The following SHOC2 variants were observed in gnomAD, a reference collection of about 807,000 sequenced individuals.
SHOC2 encodes leucine-rich repeat protein SHOC-2.
Under a neutral mutation model 50.2 loss-of-function variants are expected in SHOC2, and 4 were observed. The observed-to-expected ratio is 0.08, with a 90% confidence interval of 0.04 to 0.18. The LOEUF (loss-of-function observed/expected upper bound fraction) is 0.18. Among genes scored for constraint, SHOC2 ranks in the 10% least tolerant of loss-of-function variants. SHOC2 has a pLI of 1.00. For missense variants in SHOC2, 388 were observed against 669.6 expected, an observed-to-expected ratio of 0.58 and a Z score of 4.64; for synonymous variants, 218 against 244.5, an observed-to-expected ratio of 0.89 and a Z score of 1.01.
Position 110,987,121 on chromosome 10 carries a change from A to G in SHOC2, c.841+1356A>G, listed in dbSNP as rs189759305. 5.9e-3 allele frequency among the ~76,000 whole-genome samples: 903 copies of G among 152,294 alleles called. 14 individuals carry two copies. The highest frequency in any genetic ancestry group is 0.034 in the Middle Eastern group (10 of 294). ...ACTTAGCCTTTTAGCTGCATCTTCC[A>G]GTTAGGGCTGTGTTCTTAGGACAGA... is the stretch of plus-strand genomic sequence containing the variant. On this transcript the variant is annotated intron_variant, in intron 3 of 8. Coordinates refer to ENST00000369452, the MANE Select transcript of SHOC2 (RefSeq NM_007373.4).
chr10:110,963,195 C>G (rs182111402), intron 1 of SHOC2, among the ~76,000 whole-genome samples: 1 of 152,120 alleles, frequency 6.6e-6, no homozygotes, highest in Non-Finnish European at 1.5e-5. Flanking sequence ...TTTTAAATTT[C>G]AAAATGTTTA....
intron 3 of SHOC2, 45 bp downstream of exon 3, chr10:110,985,810 T>C: frequency 2.0e-6 from 3 of 1,501,936 alleles, no homozygotes; most frequent in Non-Finnish European, 1.9e-6. Context: ...AATAGCTAAC[T>C]GGATATTAAT....
intron 3 of SHOC2, among the ~76,000 whole-genome samples, chr10:110,999,902 AC>A (rs1590830821): frequency 6.6e-6 from 1 of 151,926 alleles, no homozygotes; most frequent in East Asian, 1.9e-4. Context: ...GAAATTTTTT[AC>A]CATCAGGCCA....
chr10:110,969,891 A>G (rs1847746661), intron 2 of SHOC2, among the ~76,000 whole-genome samples: 1 of 151,954 alleles, frequency 6.6e-6, no homozygotes, highest in South Asian at 2.1e-4. Context: ...ATTCATATGT[A>G]TGAGAAATAA....
At chr10:110,992,642 T>C (rs538471356) in intron 3 of SHOC2, among the ~76,000 whole-genome samples, 1 of 152,340 alleles carries the variant, frequency 6.6e-6, no homozygotes, top group South Asian at 2.1e-4. Context: ...CACTGGGCTC[T>C]GAAGAAATGT....
At chr10:111,004,049 T>C (rs1039253697) in intron 4 of SHOC2, among the ~76,000 whole-genome samples, 3 of 152,194 alleles carry the variant, frequency 2.0e-5, no homozygotes, top group Admixed American at 1.3e-4. Context: ...TCAGAAATTT[T>C]ACCATATAGA....
Position 110,964,110 on chromosome 10 carries a change from T to C in SHOC2, c.-234-15T>C. 1.8e-6 allele frequency: 1 copy of C among 550,646 alleles called. No homozygotes were observed. The highest frequency in any genetic ancestry group is 3.2e-6 in the Non-Finnish European group (1 of 317,146). The allele number at this position is 550,646 out of a possible 1,614,324, so 34.1% of individuals were successfully genotyped here. On this transcript the variant is annotated splice_polypyrimidine_tract_variant and intron_variant, in intron 1 of 8. Coordinates refer to ENST00000369452, the MANE Select transcript of SHOC2 (RefSeq NM_007373.4). The surrounding 1 kb of genome is among the most constrained non-coding windows in gnomAD (Gnocchi z 4.9). Reference sequence around the variant, plus strand: ...TTATCTAAAGTAATTTAATACTGTCTATATTATATTTCAGGAACTCTAATG... The same window carrying C: ...TTATCTAAAGTAATTTAATACTGTCCATATTATATTTCAGGAACTCTAATG...
intron 1 of SHOC2, among the ~76,000 whole-genome samples, chr10:110,956,867 C>G (rs928726815): frequency 1.3e-5 from 2 of 151,528 alleles, no homozygotes; most frequent in Non-Finnish European, 2.9e-5. Flanking sequence ...AATATATTGC[C>G]AGTGAAATAT....
intron 8 of SHOC2, among the ~76,000 whole-genome samples, chr10:111,010,959 CAT>C (rs907991800): frequency 6.6e-6 from 1 of 152,144 alleles, no homozygotes; most frequent in Non-Finnish European, 1.5e-5. Context: ...ATTGGAAACA[CAT>C]GAGGCAAATT....
intron 1 of SHOC2, among the ~76,000 whole-genome samples, chr10:110,932,735 C>T (rs538156766): frequency 6.6e-6 from 1 of 152,254 alleles, no homozygotes; most frequent in African/African-American, 2.4e-5. Context: ...AGCACTTACT[C>T]GACTTTTTTC....
rs550103766 is a variant in SHOC2 at position 110,931,844 on chromosome 10, G to A, written c.-235+12187G>A. Reference sequence around the variant, plus strand: ...TAAATATAAGTGTTATATGTGCTAAGTATTGTCCTAAGTACTAGAATACAA... The same window carrying A: ...TAAATATAAGTGTTATATGTGCTAAATATTGTCCTAAGTACTAGAATACAA... On this transcript the variant is annotated intron_variant, in intron 1 of 8. Coordinates refer to ENST00000369452, the MANE Select transcript of SHOC2 (RefSeq NM_007373.4). Among the ~76,000 whole-genome samples, 23 of 152,262 alleles carry A rather than the reference G, an allele frequency of 1.5e-4. 1 individual carries two copies. In the South Asian group the frequency reaches 3.9e-3, roughly 26 times the overall value.
At chr10:111,004,993 A>G (rs1027400409) in intron 5 of SHOC2, among the ~76,000 whole-genome samples, 199 bp downstream of exon 5, 4 of 152,196 alleles carry the variant, frequency 2.6e-5, no homozygotes, top group Admixed American at 2.0e-4. Context: ...ATTTTGTCCT[A>G]AAGAAATCAT....
At chr10:110,932,311 CT>C (rs1397266201) in intron 1 of SHOC2, among the ~76,000 whole-genome samples, 1 of 152,130 alleles carries the variant, frequency 6.6e-6, no homozygotes, top group African/African-American at 2.4e-5. Context: ...GAGGACTCCC[CT>C]CAGTTCTTTT....
chr10:110,962,304 T>A (rs955907424), intron 1 of SHOC2, among the ~76,000 whole-genome samples: 13 of 152,182 alleles, frequency 8.5e-5, no homozygotes, highest in Admixed American at 8.5e-4. Flanking sequence ...AAATACAAAT[T>A]GATAAGCAAT....
At chr10:110,972,007 T>C (rs563266813) in intron 2 of SHOC2, among the ~76,000 whole-genome samples, 49 of 151,884 alleles carry the variant, frequency 3.2e-4, no homozygotes, top group South Asian at 8.3e-4. Context: ...TTAACTCCTA[T>C]TATGTAATTT....
intron 3 of SHOC2, among the ~76,000 whole-genome samples, chr10:110,998,790 A>G (rs778321630): frequency 1.3e-5 from 2 of 152,180 alleles, no homozygotes; most frequent in African/African-American, 2.4e-5. Context: ...TGTAAAGGCT[A>G]AAAATTAGCT....
intron 1 of SHOC2, among the ~76,000 whole-genome samples, chr10:110,940,910 GTTTTTTTTTTTTTTTTTTTTTTTTT>G (rs539552844): frequency 8.4e-6 from 1 of 119,504 alleles, no homozygotes; most frequent in Non-Finnish European, 1.7e-5. Flanking sequence ...TTTGTGGTGG[GTTTTTTTTTTTTTTTTTTTTTTTTT>G]TTTTTTTTTT....
chr10:110,939,048 T>G (rs12268144), intron 1 of SHOC2, among the ~76,000 whole-genome samples: 4 of 152,188 alleles, frequency 2.6e-5, no homozygotes, highest in African/African-American at 9.7e-5. Context: ...TTGGAACTAC[T>G]TTCTGTTAAG....
At chr10:110,921,634 A>G (rs190699394) in intron 1 of SHOC2, among the ~76,000 whole-genome samples, 31 of 152,324 alleles carry the variant, frequency 2.0e-4, no homozygotes, top group Non-Finnish European at 3.8e-4. Context: ...ACATTAGAGT[A>G]AATGAGGTAT....
Sources: allele counts gnomAD v4.1 joint callset (sites outside exome capture counted in the v4.1 genomes callset), GRCh38; gene constraint gnomAD v4.1.1; non-coding constraint Gnocchi (gnomAD v3.1); transcripts MANE v1.5; gene names NCBI Gene and HGNC (gene_info 2026-07-23, HGNC 2026-07-21).